ERI3: variants seen among roughly 807,000 people sequenced by gnomAD.
The protein encoded by ERI3 is ERI1 exoribonuclease 3.
In ERI3, 18 loss-of-function variants were observed where a neutral mutation model predicts 44.4. The observed-to-expected ratio is 0.41, with a 90% CI of 0.28 to 0.60. The LOEUF is 0.60. Ranked by LOEUF, ERI3 falls within the 20% of genes least tolerant of loss-of-function variation. ERI3 has a pLI of 0.36. For synonymous variants in ERI3, 183 were observed against 164.8 expected (o/e 1.11, Z -0.84); for missense variants, 294 against 435.5 (o/e 0.68, Z 2.89).
At chr1:44,236,759 A>C (rs1462960730) in intron 8 of ERI3, among the ~76,000 whole-genome samples, 2 of 152,110 alleles carry the variant, frequency 1.3e-5, no homozygotes, top group Non-Finnish European at 2.9e-5. Context: ...ACTCCCCCTA[A>C]GCTGACAAGG....
intron 6 of ERI3, among the ~76,000 whole-genome samples, chr1:44,293,362 A>C (rs951663637): frequency 1.3e-5 from 2 of 152,128 alleles, no homozygotes; most frequent in Non-Finnish European, 2.9e-5. Flanking sequence ...ACATCTCATC[A>C]AGGTCTTGGG....
chr1:44,309,788 C>T (rs1225681409), intron 5 of ERI3, among the ~76,000 whole-genome samples: 2 of 152,098 alleles, frequency 1.3e-5, no homozygotes, highest in African/African-American at 4.8e-5. Context: ...TAGTCTCGAT[C>T]TCCTGACCTC....
At chr1:44,283,005 G>A (rs1426304255) in intron 7 of ERI3, among the ~76,000 whole-genome samples, 1 of 152,190 alleles carries the variant, frequency 6.6e-6, no homozygotes, top group African/African-American at 2.4e-5. Flanking sequence ...GGAACCTGGA[G>A]GCAGGGAGCT....
chr1:44,244,443 A>C (rs1402037882), intron 8 of ERI3, among the ~76,000 whole-genome samples: 2 of 152,130 alleles, frequency 1.3e-5, no homozygotes, highest in South Asian at 4.1e-4. Flanking sequence ...GGCCAAGCCC[A>C]CAACTCCATT....
intron 1 of ERI3, 171 bp from the exon 2 acceptor site, chr1:44,353,096 A>C (rs1480942742): frequency 4.1e-6 from 4 of 985,334 alleles, no homozygotes; most frequent in Non-Finnish European, 4.8e-6. Flanking sequence ...CTACATTTGT[A>C]ATGATTTTCA....
chr1:44,283,810 C>T (rs972236557), intron 7 of ERI3, among the ~76,000 whole-genome samples: 4 of 152,312 alleles, frequency 2.6e-5, no homozygotes, highest in Non-Finnish European at 5.9e-5. Context: ...GTTTGCTTAG[C>T]TCCAGCCCCC....
Position 44,322,603 on chromosome 1 carries a change from T to C in ERI3, c.490-2859A>G. 5 of 1,261,554 alleles carry C rather than the reference T, an allele frequency of 4.0e-6. No homozygotes were observed. The South Asian group carries it at 7.8e-5, about 20-fold the overall frequency. 78.1% of individuals were successfully genotyped at this position (1,261,554 alleles called of 1,614,324 possible). On this transcript the variant is annotated intron_variant, in intron 3 of 8. Transcript: ENST00000372257. The stretch of plus-strand genomic sequence containing the variant: ...TCCTCCACAACATGAGGAGCTGTTA[T>C]TAACAATGAGCCTACACACTGGCAT...
At chr1:44,315,260 T>G (rs1217186266) in intron 4 of ERI3, among the ~76,000 whole-genome samples, 2 of 152,178 alleles carry the variant, frequency 1.3e-5, no homozygotes, top group Non-Finnish European at 2.9e-5. Flanking sequence ...TCAAATGAGC[T>G]GAATGCCAAG....
chr1:44,238,753 C>CT (rs1184255824), intron 8 of ERI3, among the ~76,000 whole-genome samples: 3 of 151,986 alleles, frequency 2.0e-5, no homozygotes, highest in Admixed American at 6.5e-5. Context: ...TAGCCTCCCC[C>CT]CACAGAGGCC....
chr1:44,330,559 G>A (rs958237161), intron 3 of ERI3, among the ~76,000 whole-genome samples: 25 of 152,168 alleles, frequency 1.6e-4, no homozygotes, highest in Admixed American at 4.6e-4. Context: ...GGTTTTGTCC[G>A]TGGCAGGAGC....
chr1:44,301,038 T>G (rs1645714320), intron 6 of ERI3, among the ~76,000 whole-genome samples: 1 of 139,448 alleles, frequency 7.2e-6, no homozygotes. Flanking sequence ...AGGATTCATT[T>G]CCCTGTCTGT....
In ERI3 at chr1:44,306,283, G is replaced by A. The variant is rs550647070; in HGVS notation, c.758+2027C>T. Among the ~76,000 whole-genome samples, 47 of 152,232 alleles carry A rather than the reference G, an allele frequency of 3.1e-4. No homozygotes were observed. The South Asian group carries it at 8.3e-3, about 27-fold the overall frequency. On this transcript the variant is annotated intron_variant, in intron 6 of 8. Transcript: ENST00000372257. Reference sequence around the variant, plus strand: ...TACCCATCTCTTTTGGAAACTACACGGTCTTAGAATTCAATTCTGTCTAGC... The same window carrying A: ...TACCCATCTCTTTTGGAAACTACACAGTCTTAGAATTCAATTCTGTCTAGC...
intron 8 of ERI3, 97 bp downstream of exon 8, chr1:44,247,842 G>T: frequency 1.0e-6 from 1 of 967,062 alleles, no homozygotes; most frequent in Non-Finnish European, 1.5e-6. Context: ...TTGGGGCACT[G>T]AATGAGCCAT....
At chr1:44,322,651 G>C in intron 3 of ERI3, 3 of 1,475,302 alleles carry the variant, frequency 2.0e-6, no homozygotes, top group Non-Finnish European at 2.7e-6. Context: ...TACTGAGGAT[G>C]CAAAAGAGAA....
chr1:44,352,828 G>C, intron 2 of ERI3, 22 bp downstream of exon 2: 1 of 1,613,712 alleles, frequency 6.2e-7, no homozygotes, highest in Non-Finnish European at 8.5e-7. Context: ...AGCCAGACTT[G>C]ACCATGCAAC....
chr1:44,336,150 C>A (rs763851711), intron 3 of ERI3, among the ~76,000 whole-genome samples: 5 of 152,276 alleles, frequency 3.3e-5, no homozygotes, highest in Non-Finnish European at 7.4e-5. Context: ...TCCAATTTCT[C>A]CACTTCCCTT....
chr1:44,353,302 G>T (rs1646934477), intron 1 of ERI3: 1 of 985,256 alleles, frequency 1.0e-6, no homozygotes, highest in African/African-American at 1.7e-5. Context: ...TGGGGTAGGG[G>T]TTGGTTGCCA....
intron 7 of ERI3, among the ~76,000 whole-genome samples, chr1:44,254,313 A>C (rs1644740611): frequency 6.6e-6 from 1 of 152,146 alleles, no homozygotes. Flanking sequence ...AAATCTCACA[A>C]GGACGAATTC....
chr1:44,280,018 A>G (rs1408911553), intron 7 of ERI3, among the ~76,000 whole-genome samples: 1 of 152,208 alleles, frequency 6.6e-6, no homozygotes, highest in Non-Finnish European at 1.5e-5. Context: ...AGCCACCTAG[A>G]TCACCACATG....
Sources: allele counts gnomAD v4.1 joint callset (sites outside exome capture counted in the v4.1 genomes callset), GRCh38; gene constraint gnomAD v4.1.1; transcripts MANE v1.5; gene names NCBI Gene and HGNC (gene_info 2026-07-23, HGNC 2026-07-21).